EPB41L4A: variants seen among roughly 807,000 people sequenced by gnomAD.
The protein encoded by EPB41L4A is band 4.1-like protein 4A.
A neutral mutation model predicts 108.6 loss-of-function variants in EPB41L4A; 100 were observed. The ratio of observed to expected loss-of-function variants is 0.92; its 90% CI spans 0.78 to 1.09. The LOEUF (loss-of-function observed/expected upper bound fraction) is 1.09, where lower values mean the gene tolerates loss of function less well. EPB41L4A is among the 50% of genes least tolerant of loss of function. The probability of loss-of-function intolerance (pLI) is 0.00; values close to 1 mark genes in which losing one functional copy is unlikely to be tolerated. For synonymous variants in EPB41L4A, 319 were observed against 289.0 expected (o/e 1.10, Z -1.05); for missense variants, 1,030 against 842.7 (o/e 1.22, Z -2.75).
At chr5:112,223,580 T>C (rs1376088640) in intron 12 of EPB41L4A, among the ~76,000 whole-genome samples, 1 of 151,502 alleles carries the variant, frequency 6.6e-6, no homozygotes, top group African/African-American at 2.4e-5. Context: ...ACAGGAGGGG[T>C]AAAAAAACAG....
intron 2 of EPB41L4A, among the ~76,000 whole-genome samples, chr5:112,284,379 A>T (rs1753151455): frequency 6.6e-6 from 1 of 152,118 alleles, no homozygotes; most frequent in South Asian, 2.1e-4. Flanking sequence ...TCCAATGTTG[A>T]TTCAGAGAAT....
intron 1 of EPB41L4A, among the ~76,000 whole-genome samples, chr5:112,355,863 C>T (rs1758329741): frequency 6.6e-6 from 1 of 152,098 alleles, no homozygotes; most frequent in Non-Finnish European, 1.5e-5. Context: ...TTCACTAGAT[C>T]CTAGGGATCT....
intron 1 of EPB41L4A, among the ~76,000 whole-genome samples, chr5:112,343,181 C>T (rs1411429035): frequency 6.6e-6 from 1 of 152,162 alleles, no homozygotes; most frequent in African/African-American, 2.4e-5. Flanking sequence ...ATTCCATTCT[C>T]CCAACAGCCC....
At chr5:112,187,089 T>C (rs531213133) in intron 17 of EPB41L4A, among the ~76,000 whole-genome samples, 4 of 152,346 alleles carry the variant, frequency 2.6e-5, no homozygotes, top group East Asian at 1.9e-4. Context: ...ACCACAAACA[T>C]TGTTTTGACA....
At chr5:112,415,636 C>T (rs552145625) in intron 1 of EPB41L4A, among the ~76,000 whole-genome samples, 64 of 152,258 alleles carry the variant, frequency 4.2e-4, no homozygotes, top group African/African-American at 1.5e-3. Flanking sequence ...AAGTTATCTA[C>T]CTCCCTCAGC....
At chr5:112,373,546 G>A (rs1255305751) in intron 1 of EPB41L4A, among the ~76,000 whole-genome samples, 1 of 152,204 alleles carries the variant, frequency 6.6e-6, no homozygotes. Flanking sequence ...TATGTGTCAT[G>A]TGTTATTTTA....
chr5:112,226,301 G>A (rs1222692712), intron 12 of EPB41L4A, among the ~76,000 whole-genome samples: 1 of 152,136 alleles, frequency 6.6e-6, no homozygotes, highest in Non-Finnish European at 1.5e-5. Context: ...ATATCTTCCT[G>A]GACAAACTCA....
chr5:112,395,730 G>A (rs1761285712), intron 1 of EPB41L4A, among the ~76,000 whole-genome samples: 1 of 152,210 alleles, frequency 6.6e-6, no homozygotes, highest in Admixed American at 6.5e-5. Flanking sequence ...ATTTGACCCA[G>A]TGATCCCATT....
chr5:112,232,644 TAAATG>T (rs1749038184), intron 12 of EPB41L4A, among the ~76,000 whole-genome samples: 1 of 152,180 alleles, frequency 6.6e-6, no homozygotes, highest in Non-Finnish European at 1.5e-5. Context: ...ACAAAAGGAT[TAAATG>T]AAATGATAGA....
intron 1 of EPB41L4A, among the ~76,000 whole-genome samples, chr5:112,406,920 T>C (rs1762106594): frequency 6.6e-6 from 1 of 152,116 alleles, no homozygotes; most frequent in African/African-American, 2.4e-5. Context: ...CTTTCCATCA[T>C]AACTGAAACC....
At chr5:112,230,439 G>C (rs13153601) in intron 12 of EPB41L4A, among the ~76,000 whole-genome samples, 1 of 151,878 alleles carries the variant, frequency 6.6e-6, no homozygotes, top group Non-Finnish European at 1.5e-5. Flanking sequence ...GGAGTAAAGC[G>C]GTATCTCATT....
intron 2 of EPB41L4A, among the ~76,000 whole-genome samples, chr5:112,290,822 C>T (rs1254404044): frequency 1.3e-5 from 2 of 152,126 alleles, no homozygotes; most frequent in Non-Finnish European, 2.9e-5. Flanking sequence ...AGCAAGCCAG[C>T]CCAGGGAGCT....
At chr5:112,294,741 C>T (rs1035700031) in intron 2 of EPB41L4A, among the ~76,000 whole-genome samples, 6 of 151,774 alleles carry the variant, frequency 4.0e-5, no homozygotes, top group African/African-American at 1.4e-4. Flanking sequence ...AGTGGAGCTA[C>T]GGCGTACCTG....
chr5:112,241,898 A>G (rs1749808932), intron 9 of EPB41L4A, among the ~76,000 whole-genome samples: 1 of 152,204 alleles, frequency 6.6e-6, no homozygotes, highest in Non-Finnish European at 1.5e-5. Context: ...CTTACATTAC[A>G]CTGTAGTCTA....
At chr5:112,254,962 T>A (rs1289629184) in intron 9 of EPB41L4A, among the ~76,000 whole-genome samples, 1 of 152,128 alleles carries the variant, frequency 6.6e-6, no homozygotes, top group East Asian at 1.9e-4. Flanking sequence ...GTTTCCACTG[T>A]AGCCCTCGAG....
rs151164030 is a variant in EPB41L4A, at chr5:112,347,930, C to A, written c.100-40440G>T. Among the ~76,000 whole-genome samples the A allele has an allele frequency of 2.6e-3, 402 of 152,324 alleles. 2 individuals are homozygous for A. The highest frequency in any genetic ancestry group is 8.8e-3 in the African/African-American group (364 of 41,580). On this transcript the variant is annotated intron_variant, in intron 1 of 22. Coordinates refer to ENST00000261486, the MANE Select transcript of EPB41L4A (RefSeq NM_022140.5). The stretch of plus-strand genomic sequence containing the variant: ...CAGATCCATCCTCCCAGGACCCAAT[C>A]CTCACATCCTTCCTCTACGGGAAAC...
intron 22 of EPB41L4A, among the ~76,000 whole-genome samples, chr5:112,165,559 G>A (rs1447147275): frequency 6.6e-6 from 1 of 152,166 alleles, no homozygotes; most frequent in Non-Finnish European, 1.5e-5. Flanking sequence ...CGGAGAAACA[G>A]GGCAGCTCAT....
intron 12 of EPB41L4A, among the ~76,000 whole-genome samples, chr5:112,221,628 T>C (rs1302928770): frequency 2.6e-5 from 4 of 152,232 alleles, no homozygotes; most frequent in Admixed American, 6.5e-5. Context: ...GTATATGACT[T>C]AGTTCCTACA....
At chr5:112,307,339 G>T in intron 2 of EPB41L4A, 47 bp downstream of exon 2, 1 of 1,281,302 alleles carries the variant, frequency 7.8e-7, no homozygotes, top group Non-Finnish European at 1.1e-6. Flanking sequence ...CAGAGATAGA[G>T]TGAAATTTAT....
Sources: gnomAD v4.1 joint callset for allele counts (sites outside exome capture counted in the v4.1 genomes callset) on GRCh38, gnomAD v4.1.1 for gene constraint, MANE v1.5 for transcripts, NCBI Gene and HGNC (gene_info 2026-07-23, HGNC 2026-07-21) for gene names.